Variants in ANKRD30A observed in about 807,000 individuals in gnomAD.
The protein encoded by ANKRD30A is ankyrin repeat domain 30A, also known as ankyrin repeat domain-containing protein 30A.
Under a neutral mutation model 166.3 loss-of-function variants are expected in ANKRD30A, and 170 were observed. That is an observed-to-expected ratio of 1.02 (90% confidence interval 0.90 to 1.16). The LOEUF (loss-of-function observed/expected upper bound fraction) is 1.16. Ranked by LOEUF, ANKRD30A falls within the 50% of genes most tolerant of loss-of-function variation. The probability of loss-of-function intolerance (pLI) is 0.00; values close to 1 mark genes in which losing one functional copy is unlikely to be tolerated. For missense variants in ANKRD30A, 1,630 were observed against 1,518.0 expected, an observed-to-expected ratio of 1.07 and a Z score of -1.23; for synonymous variants, 564 against 508.9, an observed-to-expected ratio of 1.11 and a Z score of -1.46.
intron 18 of ANKRD30A, among the ~76,000 whole-genome samples, chr10:37,166,256 G>C (rs968010116): frequency 5.3e-5 from 8 of 152,160 alleles, no homozygotes; most frequent in African/African-American, 1.9e-4. Context: ...TATTTTGTTT[G>C]AAATGTCTTA....
intron 29 of ANKRD30A, 31 bp from the exon 30 acceptor site, chr10:37,199,696 C>T (rs566577742): frequency 1.4e-6 from 2 of 1,404,628 alleles, no homozygotes; most frequent in South Asian, 1.2e-5. Flanking sequence ...GAAATGTTCT[C>T]ATGAATGTAT....
chr10:37,136,696 C>G (rs746105343), intron 6 of ANKRD30A, 25 bp downstream of exon 6: 1 of 1,297,552 alleles, frequency 7.7e-7, no homozygotes, highest in East Asian at 2.4e-5. Flanking sequence ...AGTAAACTAC[C>G]CTTGGTGGTG....
intron 33 of ANKRD30A, among the ~76,000 whole-genome samples, chr10:37,218,577 T>G (rs1293938601): frequency 6.6e-6 from 1 of 151,066 alleles, no homozygotes; most frequent in Non-Finnish European, 1.5e-5. Flanking sequence ...CTGGGAAATT[T>G]TATCTGTCTA....
At chr10:37,237,762 C>T in the ANKRD30A span, among the ~76,000 whole-genome samples, 1,439 of 152,238 alleles carry the variant, frequency 9.5e-3, 31 homozygotes, top group African/African-American at 0.033. Flanking sequence ...ATACACACCT[C>T]GAAGCCATCA....
intron 6 of ANKRD30A, 151 bp downstream of exon 6, chr10:37,136,822 T>TGG (rs1836720279): frequency 8.8e-6 from 2 of 227,864 alleles, no homozygotes; most frequent in Non-Finnish European, 1.7e-5. Flanking sequence ...TATGTGTGTG[T>TGG]GTGTGTGTGT....
chr10:37,125,836 C>G lies in ANKRD30A; in HGVS notation c.49C>G (p.Arg17Gly), dbSNP rs1433671020. 7 of 1,022,130 alleles carry G rather than the reference C, an allele frequency of 6.8e-6. No individual in the cohort carries two copies. Among genetic ancestry groups the G allele is most frequent in the Non-Finnish European group, 8.8e-6 (6 of 681,736 alleles). 63.3% of individuals were successfully genotyped at this position (1,022,130 alleles called of 1,614,324 possible). A position where few individuals can be genotyped will look rare whatever the true frequency, so the allele number is the denominator to read the frequency against. Residue 17 changes from arginine (R) to glycine (G), a missense_variant, in exon 1 of 36, where the codon CGC becomes GGC. Physicochemically the swap from Arg to Gly is moderately radical, Grantham distance 125. Coordinates refer to ENST00000361713, the MANE Select transcript of ANKRD30A (RefSeq NM_052997.3). ...TGTCAAGGTCGTGCCGGGCCCGGAG[C>G]GCCCGAGCCCTTTCAGCCAGCTAGT... Reference protein sequence around the residue: ...AAVKVVPGPERPSPFSQLVYT... With the variant: ...AAVKVVPGPEGPSPFSQLVYT...
chr10:37,211,904 A>T (rs1842344298), intron 31 of ANKRD30A, among the ~76,000 whole-genome samples: 1 of 151,502 alleles, frequency 6.6e-6, no homozygotes, highest in Non-Finnish European at 1.5e-5. Flanking sequence ...GCATTTTTTC[A>T]TGTGTCTTTT....
Position 37,126,009 on chromosome 10 carries a change from G to A in ANKRD30A, c.221+1G>A. 6.2e-7 allele frequency: 1 copy of A among 1,609,606 alleles called. No individual in the cohort carries two copies. The highest frequency in any genetic ancestry group is 8.5e-7 in the Non-Finnish European group (1 of 1,178,448). ...TTAATATACAAGACGCCCAGAAGAG[G>A]TACCAGGCCCTGCCTGAGCCGGGGC... On this transcript the variant is annotated splice_donor_variant, in intron 1 of 35. Coordinates refer to ENST00000361713, the MANE Select transcript of ANKRD30A (RefSeq NM_052997.3). LOFTEE classifies it high-confidence loss of function.
chr10:37,225,465 C>T (rs1034393255), intron 34 of ANKRD30A, among the ~76,000 whole-genome samples: 6 of 151,616 alleles, frequency 4.0e-5, no homozygotes, highest in African/African-American at 1.5e-4. Flanking sequence ...GCTAAATTTC[C>T]ATGGAGATTT....
chr10:37,212,817 A>G (rs533546250), intron 31 of ANKRD30A, among the ~76,000 whole-genome samples: 1 of 151,960 alleles, frequency 6.6e-6, no homozygotes, highest in African/African-American at 2.4e-5. Context: ...TTTATTAAAT[A>G]GGGAATTATT....
At chr10:37,255,116 A>G in the ANKRD30A span, among the ~76,000 whole-genome samples, 1 of 152,210 alleles carries the variant, frequency 6.6e-6, no homozygotes. Context: ...AAGGCCATAA[A>G]GGTTTATTGC....
At chr10:37,260,398 G>A in the ANKRD30A span, among the ~76,000 whole-genome samples, 1 of 152,052 alleles carries the variant, frequency 6.6e-6, no homozygotes, top group East Asian at 1.9e-4. Context: ...GGATTGTTCC[G>A]TTTTAAGTCA....
intron 6 of ANKRD30A, among the ~76,000 whole-genome samples, chr10:37,140,941 T>G (rs981629985): frequency 1.3e-5 from 2 of 152,178 alleles, no homozygotes; most frequent in Admixed American, 1.3e-4. Flanking sequence ...CCTTATTGAA[T>G]TTCTGCATTT....
At chr10:37,264,583 C>A in the ANKRD30A span, 1 of 443,788 alleles carries the variant, frequency 2.3e-6, no homozygotes, top group South Asian at 4.3e-5. Context: ...TGTTCTTTGG[C>A]ATCTACTCAG....
intron 34 of ANKRD30A, among the ~76,000 whole-genome samples, chr10:37,229,902 A>T (rs1564601402): frequency 1.3e-5 from 2 of 151,936 alleles, no homozygotes. Flanking sequence ...ATTAGGGTAA[A>T]TGGGGTATTC....
At chr10:37,152,752 G>A (rs909390051) in intron 12 of ANKRD30A, among the ~76,000 whole-genome samples, 15 of 152,080 alleles carry the variant, frequency 9.9e-5, no homozygotes, top group African/African-American at 2.7e-4. Flanking sequence ...CAGTCAAGCT[G>A]CAGCAGCATG....
intron 25 of ANKRD30A, among the ~76,000 whole-genome samples, chr10:37,190,652 A>G (rs1272884366): frequency 5.3e-5 from 8 of 151,792 alleles, no homozygotes; most frequent in East Asian, 3.9e-4. Flanking sequence ...TGGATTTTCT[A>G]TGAAGGAAAA....
chr10:37,149,729 G>A, intron 10 of ANKRD30A, 48 bp from the exon 11 acceptor site: 1 of 1,608,954 alleles, frequency 6.2e-7, no homozygotes, highest in African/African-American at 1.3e-5. Flanking sequence ...TTATGTATTT[G>A]TGAAGTATAC....
chr10:37,217,335 A>G (rs1842655221), intron 32 of ANKRD30A, among the ~76,000 whole-genome samples: 1 of 151,016 alleles, frequency 6.6e-6, no homozygotes. Context: ...CACTTTAATC[A>G]GTTAACTCTA....
Sources: gnomAD v4.1 joint callset for allele counts (sites outside exome capture counted in the v4.1 genomes callset) on GRCh38, gnomAD v4.1.1 for gene constraint, MANE v1.5 for transcripts, NCBI Gene and HGNC (gene_info 2026-07-23, HGNC 2026-07-21) for gene names.